The following CNGB3 variants were observed in gnomAD, a reference collection of about 807,000 sequenced individuals.
CNGB3 encodes cyclic nucleotide gated channel subunit beta 3, also known as cyclic nucleotide-gated channel beta-3.
CNGB3 carries 86 observed loss-of-function variants against 92.8 expected under a neutral mutation model. The ratio of observed to expected loss-of-function variants is 0.93; its 90% confidence interval spans 0.78 to 1.11. The LOEUF is 1.11. Ranked by LOEUF, CNGB3 falls within the 50% of genes least tolerant of loss-of-function variation. The pLI, the probability that CNGB3 is intolerant of heterozygous loss-of-function variation, is 0.00. For missense variants in CNGB3, 1,026 were observed against 956.8 expected, an observed-to-expected ratio of 1.07 and a Z score of -0.95; for synonymous variants, 333 against 332.7, an observed-to-expected ratio of 1.00 and a Z score of -0.01.
intron 3 of CNGB3, among the ~76,000 whole-genome samples, chr8:86,697,882 A>T (rs926396936): frequency 6.6e-6 from 1 of 151,884 alleles, no homozygotes; most frequent in Non-Finnish European, 1.5e-5. Context: ...ATGAGTGAGA[A>T]CATGTGGTGT....
intron 3 of CNGB3, among the ~76,000 whole-genome samples, chr8:86,684,997 T>G (rs1824157820): frequency 6.6e-6 from 1 of 152,020 alleles, no homozygotes; most frequent in Non-Finnish European, 1.5e-5. Flanking sequence ...CAAGTAAAAC[T>G]GGAGAAATAT....
At chr8:86,611,715 C>T (rs1444423775) in intron 13 of CNGB3, 44 bp from the exon 14 acceptor site, 1 of 1,303,028 alleles carries the variant, frequency 7.7e-7, no homozygotes, top group Admixed American at 1.7e-5. Context: ...AACTAAAGGC[C>T]AATATTCCAA....
At chr8:86,687,984 TCA>T (rs1289570539) in intron 3 of CNGB3, among the ~76,000 whole-genome samples, 2 of 151,976 alleles carry the variant, frequency 1.3e-5, no homozygotes, top group African/African-American at 4.8e-5. Flanking sequence ...TGTGTGACAT[TCA>T]CAGTGAGTAA....
chr8:86,594,435 G>T, intron 15 of CNGB3: 1 of 291,928 alleles, frequency 3.4e-6, no homozygotes. Context: ...TCCACTGTGT[G>T]GTGCATGTTC....
intron 3 of CNGB3, among the ~76,000 whole-genome samples, chr8:86,718,686 A>G (rs1824910262): frequency 6.6e-6 from 1 of 152,116 alleles, no homozygotes; most frequent in African/African-American, 2.4e-5. Context: ...ATAACACTCT[A>G]CCACCCAAAC....
At chr8:86,742,874 T>A (rs1284238591) in intron 1 of CNGB3, among the ~76,000 whole-genome samples, 1 of 152,184 alleles carries the variant, frequency 6.6e-6, no homozygotes, top group Non-Finnish European at 1.5e-5. Flanking sequence ...TATTTAGAAC[T>A]TGTGAAAAGG....
intron 3 of CNGB3, among the ~76,000 whole-genome samples, chr8:86,682,957 C>A (rs1185300286): frequency 6.6e-6 from 1 of 152,164 alleles, no homozygotes; most frequent in Non-Finnish European, 1.5e-5. Context: ...GAGCACCAGG[C>A]TCCCAGTTTT....
chr8:86,683,161 T>C (rs187007959), intron 3 of CNGB3, among the ~76,000 whole-genome samples: 42 of 152,272 alleles, frequency 2.8e-4, no homozygotes, highest in African/African-American at 7.2e-4. Context: ...TAACAGCACC[T>C]AATAAGGAAA....
intron 2 of CNGB3, among the ~76,000 whole-genome samples, chr8:86,731,176 A>C (rs1345705843): frequency 6.6e-6 from 1 of 152,236 alleles, no homozygotes; most frequent in Non-Finnish European, 1.5e-5. Flanking sequence ...ACAAACACGC[A>C]AAACCCTCAA....
At chr8:86,660,049 G>A in intron 6 of CNGB3, 1 of 328,724 alleles carries the variant, frequency 3.0e-6, no homozygotes, top group South Asian at 2.9e-5. Context: ...TGGCACCAGG[G>A]GAAGAGACAC....
intron 13 of CNGB3, among the ~76,000 whole-genome samples, chr8:86,625,432 A>C (rs898032188): frequency 1.3e-5 from 2 of 152,228 alleles, no homozygotes; most frequent in Non-Finnish European, 2.9e-5. Flanking sequence ...TTTATATGTG[A>C]TATAATGCAC....
intron 15 of CNGB3, among the ~76,000 whole-genome samples, chr8:86,598,312 G>A (rs1410580835): frequency 1.3e-5 from 2 of 152,230 alleles, no homozygotes; most frequent in African/African-American, 4.8e-5. Context: ...ATGAACTGAA[G>A]TAGTGGCAGT....
intron 10 of CNGB3, among the ~76,000 whole-genome samples, chr8:86,641,969 A>G (rs1412440016): frequency 2.0e-5 from 3 of 151,920 alleles, no homozygotes; most frequent in Admixed American, 6.6e-5. Context: ...GAAGTTTCTT[A>G]TGGGCTAAAG....
intron 7 of CNGB3, 78 bp downstream of exon 7, chr8:86,653,934 A>T: frequency 1.0e-6 from 1 of 989,954 alleles, no homozygotes; most frequent in Middle Eastern, 2.1e-4. Flanking sequence ...AACTTTGTTT[A>T]TAGAAATCTA....
At chr8:86,700,151 T>A (rs908061795) in intron 3 of CNGB3, among the ~76,000 whole-genome samples, 1 of 152,212 alleles carries the variant, frequency 6.6e-6, no homozygotes, top group African/African-American at 2.4e-5. Flanking sequence ...CAACATTGTA[T>A]GAGAAGCAAT....
At chr8:86,659,491 T>C in intron 6 of CNGB3, 1 of 609,478 alleles carries the variant, frequency 1.6e-6, no homozygotes, top group Non-Finnish European at 3.0e-6. Context: ...TTCTGAGTTC[T>C]GTGGCTTCAG....
At chr8:86,685,375 C>G (rs1330508029) in intron 3 of CNGB3, among the ~76,000 whole-genome samples, 5 of 152,042 alleles carry the variant, frequency 3.3e-5, no homozygotes, top group Non-Finnish European at 7.4e-5. Context: ...CCTATTGAAT[C>G]AGAATCTGCG....
intron 3 of CNGB3, among the ~76,000 whole-genome samples, chr8:86,679,262 AGTTT>A (rs1276051862): frequency 6.6e-6 from 1 of 151,982 alleles, no homozygotes; most frequent in East Asian, 1.9e-4. Context: ...TACATTTATT[AGTTT>A]ATTTATTTGT....
intron 7 of CNGB3, among the ~76,000 whole-genome samples, chr8:86,648,768 A>G (rs564074299): frequency 1.3e-5 from 2 of 151,330 alleles, no homozygotes; most frequent in African/African-American, 4.8e-5. Context: ...GTAAGGCCAC[A>G]CATATAAAAT....
Sources: gnomAD v4.1 joint callset for allele counts (sites outside exome capture counted in the v4.1 genomes callset) on GRCh38, gnomAD v4.1.1 for gene constraint, MANE v1.5 for transcripts, NCBI Gene and HGNC (gene_info 2026-07-23, HGNC 2026-07-21) for gene names.